The following EBF2 variants were observed in gnomAD, a reference collection of about 807,000 sequenced individuals.
EBF2 encodes the protein EBF transcription factor 2.
In EBF2, 21 loss-of-function variants were observed where a neutral mutation model predicts 72.8. That is an observed-to-expected ratio of 0.29 (90% CI 0.20 to 0.42). The LOEUF is 0.42. Ranked by LOEUF, EBF2 falls within the 10% of genes least tolerant of loss-of-function variation. EBF2 has a pLI of 1.00. For synonymous variants in EBF2, 299 were observed against 274.2 expected (o/e 1.09, Z -0.89); for missense variants, 637 against 731.2 (o/e 0.87, Z 1.49).
intron 6 of EBF2, among the ~76,000 whole-genome samples, chr8:25,915,129 C>T (rs1390550383): frequency 6.6e-6 from 1 of 152,132 alleles, no homozygotes; most frequent in Admixed American, 6.5e-5. Context: ...GGAAAATTAA[C>T]ATCTCCACCT....
intron 6 of EBF2, among the ~76,000 whole-genome samples, chr8:25,923,543 T>C (rs1290884625): frequency 6.6e-6 from 1 of 152,242 alleles, no homozygotes; most frequent in Non-Finnish European, 1.5e-5. Context: ...AAAAAGCAGA[T>C]TTCGTCACTC....
chr8:25,903,799 C>T (rs968486115), intron 7 of EBF2, among the ~76,000 whole-genome samples: 3 of 152,092 alleles, frequency 2.0e-5, no homozygotes, highest in Non-Finnish European at 4.4e-5. Context: ...GAGGAGGCAG[C>T]GACACTTTGA....
chr8:26,038,561 G>A (rs1482834776), intron 5 of EBF2, among the ~76,000 whole-genome samples: 1 of 152,102 alleles, frequency 6.6e-6, no homozygotes, highest in East Asian at 1.9e-4. Flanking sequence ...CCAAACAAAG[G>A]CATAAAAAGA....
intron 7 of EBF2, among the ~76,000 whole-genome samples, chr8:25,906,182 C>T (rs1429559507): frequency 6.6e-6 from 1 of 152,160 alleles, no homozygotes. Context: ...TTCACATTTA[C>T]AAGAGTATCC....
chr8:26,035,836 A>C (rs1413767945), intron 5 of EBF2, among the ~76,000 whole-genome samples: 1 of 152,180 alleles, frequency 6.6e-6, no homozygotes, highest in East Asian at 1.9e-4. Context: ...AATGCAGGCC[A>C]GCTGCTCTCC....
chr8:25,874,315 G>A (rs1802485589), intron 10 of EBF2, among the ~76,000 whole-genome samples: 1 of 152,142 alleles, frequency 6.6e-6, no homozygotes, highest in Non-Finnish European at 1.5e-5. Flanking sequence ...ATTTGGGGGT[G>A]TGTGGAAAAA....
chr8:26,032,851 A>G (rs1488908995), intron 6 of EBF2: 4 of 543,470 alleles, frequency 7.4e-6, no homozygotes, highest in African/African-American at 1.9e-5. Context: ...TATTAGGCTG[A>G]AGCTGGTGCA....
At chr8:25,908,171 C>A (rs143996669) in intron 7 of EBF2, among the ~76,000 whole-genome samples, 1 of 152,158 alleles carries the variant, frequency 6.6e-6, no homozygotes, top group Non-Finnish European at 1.5e-5. Context: ...ATATCAAGAA[C>A]ATGGTTCCTG....
intron 5 of EBF2, among the ~76,000 whole-genome samples, chr8:26,035,271 T>C (rs141247970): frequency 1.9e-3 from 282 of 152,236 alleles, no homozygotes; most frequent in Middle Eastern, 3.4e-3. Context: ...GACTCCCATA[T>C]GTAGCTGAGA....
At chr8:25,876,677 T>C (rs1329036864) in intron 10 of EBF2, among the ~76,000 whole-genome samples, 2 of 152,140 alleles carry the variant, frequency 1.3e-5, no homozygotes, top group Non-Finnish European at 2.9e-5. Context: ...GTATCGTGTT[T>C]TGTAATAAAC....
chr8:25,872,937 C>T (rs1035205739), intron 10 of EBF2, among the ~76,000 whole-genome samples: 10 of 152,182 alleles, frequency 6.6e-5, no homozygotes, highest in South Asian at 4.1e-4. Flanking sequence ...CACTTTAGGA[C>T]GTCTCTGTCC....
At position 25,976,967 on chromosome 8, in the gene EBF2, A is replaced by G. The variant is rs998042622; in HGVS notation, c.551+56118T>C. On this transcript the variant is annotated intron_variant, in intron 6 of 15. Transcript: ENST00000520164. ...CATGTTCTCTTGAGTTGCAGCTCCC[A>G]GTGAATTTACCCAGCTGTAAGTGAT... 2.6e-5 allele frequency among the ~76,000 whole-genome samples: 4 copies of G among 152,256 alleles called. No individual in the cohort carries two copies. In the South Asian group the frequency reaches 8.3e-4, roughly 32 times the overall value.
intron 7 of EBF2, 67 bp from the exon 8 acceptor site, chr8:25,889,936 G>T: frequency 1.5e-6 from 2 of 1,375,210 alleles, no homozygotes; most frequent in Non-Finnish European, 2.1e-6. Context: ...AGTAGCAAAT[G>T]CACCAAAATT....
intron 14 of EBF2, among the ~76,000 whole-genome samples, chr8:25,853,882 T>C (rs1002364280): frequency 6.6e-6 from 1 of 152,138 alleles, no homozygotes; most frequent in African/African-American, 2.4e-5. Flanking sequence ...CCCCCTTTAA[T>C]TTTTAAAAAT....
rs554849560 is a variant in EBF2, at chr8:25,862,899, G to T, written c.1010-102C>A. 41 of 678,258 alleles carry T rather than the reference G, an allele frequency of 6.0e-5. No individual in the cohort carries two copies. In the African/African-American group the frequency reaches 6.8e-4, roughly 11 times the overall value. 42.0% of individuals were successfully genotyped at this position (678,258 alleles called of 1,614,324 possible). A position where few individuals can be genotyped will look rare whatever the true frequency, so the allele number is the denominator to read the frequency against. The stretch of plus-strand genomic sequence containing the variant: ...AATAAGAAGGTTCTGGATGCATAAT[G>T]GATGTAATCAGTTAGGGTTTTTGCT... On this transcript the variant is annotated intron_variant, in intron 10 of 15. Transcript: ENST00000520164.
intron 5 of EBF2, among the ~76,000 whole-genome samples, chr8:26,037,901 T>C (rs1180147204): frequency 6.6e-6 from 1 of 152,230 alleles, no homozygotes; most frequent in African/African-American, 2.4e-5. Context: ...ATGAGGCTTT[T>C]ACTAAAGATT....
chr8:25,900,459 T>TAA (rs11377581), intron 7 of EBF2, among the ~76,000 whole-genome samples: 5 of 151,656 alleles, frequency 3.3e-5, no homozygotes, highest in East Asian at 1.9e-4. Flanking sequence ...ACCCTGTCTG[T>TAA]AAAAAAAGAA....
intron 10 of EBF2, among the ~76,000 whole-genome samples, chr8:25,882,981 A>G (rs907343896): frequency 6.6e-6 from 1 of 152,222 alleles, no homozygotes; most frequent in African/African-American, 2.4e-5. Flanking sequence ...TCAGAAAGAC[A>G]CCAGGCAGGA....
intron 5 of EBF2, among the ~76,000 whole-genome samples, chr8:26,036,742 C>A (rs973219131): frequency 1.3e-5 from 2 of 152,114 alleles, no homozygotes; most frequent in African/African-American, 4.8e-5. Context: ...ATGATAAACT[C>A]AATTCTGCCT....
Sources: gnomAD v4.1 joint callset for allele counts (sites outside exome capture counted in the v4.1 genomes callset) on GRCh38, gnomAD v4.1.1 for gene constraint, MANE v1.5 for transcripts, NCBI Gene and HGNC (gene_info 2026-07-23, HGNC 2026-07-21) for gene names.